Variants in OR3A2 observed in about 807,000 individuals in gnomAD.
The protein encoded by OR3A2 is olfactory receptor 3A2.
For missense variants in OR3A2, 318 were observed against 392.8 expected (o/e 0.81, Z 1.61); for synonymous variants, 126 against 159.3 (o/e 0.79, Z 1.57).
chr17:3,361,865 G>T (rs2049519637), intron 2 of OR3A2, among the ~76,000 whole-genome samples: 1 of 151,544 alleles, frequency 6.6e-6, no homozygotes, highest in Non-Finnish European at 1.5e-5. Flanking sequence ...AGGGATATTG[G>T]TCTAAAATTC....
intron 1 of OR3A2, 69 bp from the exon 5 acceptor site, chr17:3,278,992 A>G: frequency 6.4e-7 from 1 of 1,564,760 alleles, no homozygotes; most frequent in South Asian, 1.2e-5. Flanking sequence ...TTAATATTTT[A>G]AACCATTTAT....
chr17:3,360,208 A>C lies in OR3A2; in HGVS notation c.-179+23596T>G, dbSNP rs577953027. Among the ~76,000 whole-genome samples, 274 of 151,922 alleles carry C rather than the reference A, an allele frequency of 1.8e-3. 11 individuals carry two copies. The highest frequency in any genetic ancestry group is 6.1e-3 in the African/African-American group (250 of 41,196). On this transcript the variant is annotated intron_variant, in intron 2 of 4. Transcript: ENST00000573491. The stretch of plus-strand genomic sequence containing the variant: ...ATTTTTTCATGTGTCTGTTGGCTGC[A>C]TAAATGTCTTCTTTTGCGAAGTGTC...
At chr17:3,281,390 C>A (rs1032959007) in intron 1 of OR3A2, among the ~76,000 whole-genome samples, 1 of 152,050 alleles carries the variant, frequency 6.6e-6, no homozygotes, top group African/African-American at 2.4e-5. Context: ...TGCACCACCA[C>A]GCCCAGCTAA....
At position 3,292,373 on chromosome 17, in the gene OR3A2, T is replaced by C. The variant is rs1358568845; in HGVS notation, c.-84-13220A>G. ...CGCTGATGCACCCAACATCCAGCAC[T>C]GATAGGTTCCCCAGGAAGAAGTACA... On this transcript the variant is annotated intron_variant, in intron 3 of 4. Coordinates refer to the OR3A2 transcript ENST00000573491. The C allele has an allele frequency of 7.4e-6, 12 of 1,613,746 alleles. 1 individual carries two copies. The South Asian group carries it at 9.9e-5, about 13-fold the overall frequency.
chr17:3,288,246 C>CAAAAAAAAAAAAAAAAAAAAAGAAA, upstream of OR3A2, among the ~76,000 whole-genome samples: 1 of 73,486 alleles, frequency 1.4e-5, no homozygotes, highest in African/African-American at 4.5e-5. Context: ...ACCAAAAGGG[C>CAAAAAAAAAAAAAAAAAAAAAGAAA]AAAAAAAAAA....
intron 3 of OR3A2, among the ~76,000 whole-genome samples, chr17:3,305,679 G>T (rs561182797): frequency 1.3e-5 from 2 of 152,282 alleles, no homozygotes; most frequent in South Asian, 4.1e-4. Context: ...AAATTTTGAA[G>T]AATAATATAT....
chr17:3,372,882 AGGG>A (rs2049644733), intron 2 of OR3A2, among the ~76,000 whole-genome samples: 1 of 52,516 alleles, frequency 1.9e-5, no homozygotes, highest in Non-Finnish European at 4.4e-5. Flanking sequence ...GGAGAGGGAG[AGGG>A]AGAGGGAGAG....
chr17:3,328,602 G>A (rs1331819768), intron 3 of OR3A2, among the ~76,000 whole-genome samples: 36 of 147,260 alleles, frequency 2.4e-4, no homozygotes, highest in African/African-American at 8.6e-4. Context: ...ATGTTGAATA[G>A]GAGTGGTGAG....
intron 2 of OR3A2, among the ~76,000 whole-genome samples, chr17:3,351,875 A>G (rs902914230): frequency 1.3e-4 from 19 of 151,426 alleles, no homozygotes; most frequent in African/African-American, 2.7e-4. Context: ...CAGAAATAAC[A>G]CCGCATATCT....
intron 2 of OR3A2, among the ~76,000 whole-genome samples, chr17:3,376,808 A>G (rs1255439920): frequency 1.3e-5 from 2 of 149,496 alleles, no homozygotes; most frequent in South Asian, 2.1e-4. Context: ...CCCTCCCCCA[A>G]TTCTGCTGGC....
At chr17:3,347,293 T>C (rs769064833) in intron 2 of OR3A2, among the ~76,000 whole-genome samples, 2 of 152,146 alleles carry the variant, frequency 1.3e-5, no homozygotes, top group Admixed American at 6.6e-5. Context: ...GTGCACAATA[T>C]GCAGGTTAGT....
intron 2 of OR3A2, among the ~76,000 whole-genome samples, chr17:3,361,754 C>T (rs540842846): frequency 6.6e-6 from 1 of 151,732 alleles, no homozygotes; most frequent in South Asian, 2.1e-4. Context: ...CCTTGCATCC[C>T]AGGGATGAAG....
At chr17:3,290,429 T>G (rs9893392) in intron 3 of OR3A2, among the ~76,000 whole-genome samples, 1 of 152,038 alleles carries the variant, frequency 6.6e-6, no homozygotes, top group Non-Finnish European at 1.5e-5. Context: ...TTCATTTTCC[T>G]ACCAACTCTC....
rs1401803088 is a variant in OR3A2 at position 3,378,457 on chromosome 17, G to A, written c.-179+5347C>T. Among the ~76,000 whole-genome samples the A allele has an allele frequency of 5.3e-5, 8 of 152,194 alleles. No individual in the cohort carries two copies. In the East Asian group the frequency reaches 1.5e-3, roughly 29 times the overall value. ...GAGCAGGCACTTTCAAGCCCGTGGG[G>A]GCAGGGGGCTTCCTGGACCCCTAAG... is the stretch of plus-strand genomic sequence containing the variant. On this transcript the variant is annotated intron_variant, in intron 2 of 4. Coordinates refer to the OR3A2 transcript ENST00000573491.
chr17:3,367,149 G>C (rs1034738112), intron 2 of OR3A2, among the ~76,000 whole-genome samples: 3 of 152,198 alleles, frequency 2.0e-5, no homozygotes, highest in Non-Finnish European at 4.4e-5. Flanking sequence ...CACACCTTCA[G>C]ACTTGATCTG....
intron 2 of OR3A2, among the ~76,000 whole-genome samples, chr17:3,353,340 T>G (rs2049436358): frequency 6.6e-6 from 1 of 151,804 alleles, no homozygotes; most frequent in South Asian, 2.1e-4. Context: ...AATTTGGATG[T>G]CCTTTTATAT....
chr17:3,349,098 T>C (rs900777053), intron 2 of OR3A2, among the ~76,000 whole-genome samples: 11 of 152,176 alleles, frequency 7.2e-5, no homozygotes, highest in African/African-American at 2.6e-4. Context: ...TAAAGACCAT[T>C]GAGACTAGGA....
intron 3 of OR3A2, among the ~76,000 whole-genome samples, chr17:3,326,504 G>T (rs1436304046): frequency 1.3e-5 from 2 of 151,742 alleles, no homozygotes; most frequent in Non-Finnish European, 2.9e-5. Flanking sequence ...ACATTTATCA[G>T]TTCCCGAAAT....
At chr17:3,370,661 G>A (rs1194357032) in intron 2 of OR3A2, among the ~76,000 whole-genome samples, 2 of 151,216 alleles carry the variant, frequency 1.3e-5, no homozygotes, top group Non-Finnish European at 2.9e-5. Flanking sequence ...TCATTCTTGG[G>A]TGTTTCTCGC....
Sources: gnomAD v4.1 joint callset for allele counts (sites outside exome capture counted in the v4.1 genomes callset) on GRCh38, gnomAD v4.1.1 for gene constraint, MANE v1.5 for transcripts, NCBI Gene and HGNC (gene_info 2026-07-23, HGNC 2026-07-21) for gene names.